Variants in ADARB2 observed in about 807,000 individuals in gnomAD.
ADARB2 encodes the protein inactive double-stranded RNA-specific editase B2.
A neutral mutation model predicts 62.2 loss-of-function variants in ADARB2; 25 were observed. The ratio of observed to expected loss-of-function variants is 0.40; its 90% CI spans 0.29 to 0.56. The LOEUF (loss-of-function observed/expected upper bound fraction) is 0.56. Ranked by LOEUF, ADARB2 falls within the 20% of genes least tolerant of loss-of-function variation. ADARB2 has a pLI of 0.43. For missense variants in ADARB2, 1,071 were observed against 1,077.4 expected, an observed-to-expected ratio of 0.99 and a Z score of 0.08; for synonymous variants, 572 against 500.8, an observed-to-expected ratio of 1.14 and a Z score of -1.90.
chr10:1,580,645 G>A (rs962828536), intron 1 of ADARB2, among the ~76,000 whole-genome samples: 5 of 152,086 alleles, frequency 3.3e-5, no homozygotes, highest in African/African-American at 9.7e-5. Flanking sequence ...TGGGGCTTAC[G>A]CTTGGTGTTG....
At position 1,184,893 on chromosome 10, in the gene ADARB2, G is replaced by C. The variant is rs1374436988; in HGVS notation, c.2011C>G (p.Leu671Val). ...TACAGCCGCGCCCACCGTGCAGACA[G>C]CACGTGCTTGCAGAGCCGGGATGGG... ...GGPSRLCKHV[L>V]SARWARLYGR... The change falls in exon 9 of 10, where the codon CTG becomes GTG. Residue 671 changes from leucine (L) to valine (V), a missense_variant. Coordinates refer to ENST00000381312, the MANE Select transcript of ADARB2 (RefSeq NM_018702.4). 1 of 1,613,802 alleles carries C rather than the reference G, an allele frequency of 6.2e-7. No homozygotes were observed. The highest frequency in any genetic ancestry group is 8.5e-7 in the Non-Finnish European group (1 of 1,180,022).
chr10:1,509,958 G>A (rs1321215041), intron 1 of ADARB2, among the ~76,000 whole-genome samples: 1 of 152,020 alleles, frequency 6.6e-6, no homozygotes, highest in Non-Finnish European at 1.5e-5. Flanking sequence ...CTGAGGTTCT[G>A]ACGTCTTAAA....
chr10:1,240,617 C>G (rs1301640429), intron 5 of ADARB2: 1 of 152,420 alleles, frequency 6.6e-6, no homozygotes, highest in Non-Finnish European at 1.5e-5. Context: ...AGCCTGGGCC[C>G]CGGCACAGGG....
At chr10:1,437,999 G>A (rs371108352) in intron 1 of ADARB2, among the ~76,000 whole-genome samples, 31 of 152,270 alleles carry the variant, frequency 2.0e-4, no homozygotes, top group East Asian at 1.9e-3. Flanking sequence ...CATGAGAACC[G>A]CTTCGTCCCC....
At chr10:1,338,340 A>G (rs750107990) in intron 3 of ADARB2, among the ~76,000 whole-genome samples, 29 of 152,218 alleles carry the variant, frequency 1.9e-4, no homozygotes, top group Admixed American at 1.8e-3. Flanking sequence ...TTCCCAGTTC[A>G]CTGAGTCTGG....
intron 6 of ADARB2, among the ~76,000 whole-genome samples, chr10:1,221,524 A>G (rs1282768563): frequency 1.3e-5 from 2 of 151,664 alleles, no homozygotes; most frequent in African/African-American, 2.4e-5. Context: ...CCAGTAACTC[A>G]TCATTTAGCA....
chr10:1,476,086 A>T (rs1391918352), intron 1 of ADARB2, among the ~76,000 whole-genome samples: 1 of 152,258 alleles, frequency 6.6e-6, no homozygotes, highest in Non-Finnish European at 1.5e-5. Flanking sequence ...TAGTGATTAA[A>T]GAGAAAGCTC....
At chr10:1,493,010 A>G (rs1588276693) in intron 1 of ADARB2, among the ~76,000 whole-genome samples, 1 of 152,302 alleles carries the variant, frequency 6.6e-6, no homozygotes, top group East Asian at 1.9e-4. Context: ...TTAAAACCCT[A>G]AAAGGGACAG....
intron 3 of ADARB2, among the ~76,000 whole-genome samples, chr10:1,311,130 C>A (rs1831686337): frequency 6.6e-6 from 1 of 152,136 alleles, no homozygotes; most frequent in African/African-American, 2.4e-5. Flanking sequence ...GACTATAGAT[C>A]CAAGTGTTGC....
At chr10:1,203,458 G>A (rs1259526523) in intron 7 of ADARB2, among the ~76,000 whole-genome samples, 3 of 152,248 alleles carry the variant, frequency 2.0e-5, no homozygotes, top group Admixed American at 2.0e-4. Context: ...ACGCGGCCCT[G>A]TGAGGAGAAG....
At chr10:1,410,135 G>C (rs948984528) in intron 1 of ADARB2, among the ~76,000 whole-genome samples, 1 of 143,672 alleles carries the variant, frequency 7.0e-6, no homozygotes, top group African/African-American at 2.6e-5. Context: ...GGGAATGATT[G>C]TCAGTGGTGC....
intron 1 of ADARB2, among the ~76,000 whole-genome samples, chr10:1,697,085 T>C (rs571783168): frequency 6.6e-6 from 1 of 152,270 alleles, no homozygotes; most frequent in South Asian, 2.1e-4. Context: ...ACACCCCTGA[T>C]CTAAAGGTTT....
At chr10:1,686,404 T>TG (rs763987609) in intron 1 of ADARB2, among the ~76,000 whole-genome samples, 38 of 152,202 alleles carry the variant, frequency 2.5e-4, no homozygotes, top group Non-Finnish European at 3.8e-4. Flanking sequence ...AAGCATACCT[T>TG]GAAAACTACA....
At chr10:1,259,254 G>A (rs1330888912) in intron 4 of ADARB2, among the ~76,000 whole-genome samples, 2 of 152,126 alleles carry the variant, frequency 1.3e-5, no homozygotes, top group East Asian at 3.9e-4. Flanking sequence ...ACAAGCAAGA[G>A]CAAACACATT....
chr10:1,552,647 G>A (rs1258651947), intron 1 of ADARB2, among the ~76,000 whole-genome samples: 3 of 151,530 alleles, frequency 2.0e-5, no homozygotes, highest in African/African-American at 4.9e-5. Flanking sequence ...GGCACTCAGC[G>A]AGGGGCTGCC....
At chr10:1,620,341 CAT>C (rs1564349412) in intron 1 of ADARB2, among the ~76,000 whole-genome samples, 1 of 152,036 alleles carries the variant, frequency 6.6e-6, no homozygotes, top group East Asian at 1.9e-4. Flanking sequence ...GTCATAAGCA[CAT>C]GTTATGGGCA....
intron 6 of ADARB2, among the ~76,000 whole-genome samples, chr10:1,229,716 TCA>T (rs1491114863): frequency 1.3e-4 from 3 of 22,542 alleles, no homozygotes; most frequent in East Asian, 1.1e-3. Flanking sequence ...GTATGCGTGT[TCA>T]TGTGTGCACT....
At chr10:1,300,598 C>A (rs1831564439) in intron 3 of ADARB2, among the ~76,000 whole-genome samples, 1 of 152,212 alleles carries the variant, frequency 6.6e-6, no homozygotes, top group South Asian at 2.1e-4. Context: ...AAGACCTGTT[C>A]AAAATGCTTC....
At chr10:1,425,890 C>T (rs1313889277) in intron 1 of ADARB2, among the ~76,000 whole-genome samples, 1 of 152,192 alleles carries the variant, frequency 6.6e-6, no homozygotes, top group Non-Finnish European at 1.5e-5. Context: ...AGCCTTCCAA[C>T]TGCAACTCAG....
Sources: allele counts gnomAD v4.1 joint callset (sites outside exome capture counted in the v4.1 genomes callset), GRCh38; gene constraint gnomAD v4.1.1; transcripts MANE v1.5; gene names NCBI Gene and HGNC (gene_info 2026-07-23, HGNC 2026-07-21).